PTPRD: variants seen among roughly 807,000 people sequenced by gnomAD.
PTPRD encodes the protein protein tyrosine phosphatase receptor type D.
In PTPRD, 34 loss-of-function variants were observed where a neutral mutation model predicts 214.5. The observed-to-expected ratio is 0.16, with a 90% CI of 0.12 to 0.21. PTPRD has a LOEUF of 0.21. Ranked by LOEUF, PTPRD falls within the 10% of genes least tolerant of loss-of-function variation. The pLI is 1.00. For synonymous variants in PTPRD, 1,128 were observed against 845.7 expected (o/e 1.33, Z -5.79); for missense variants, 2,545 against 2,398.7 (o/e 1.06, Z -1.27).
intron 12 of PTPRD, among the ~76,000 whole-genome samples, chr9:8,699,250 C>T (rs1419086394): frequency 6.6e-6 from 1 of 152,154 alleles, no homozygotes; most frequent in African/African-American, 2.4e-5. Context: ...TAAACAGTTG[C>T]TCTGGCAAGT....
rs2098292601 is a variant in PTPRD, at chr9:8,709,836, G to A, written c.64+23944C>T. On this transcript the variant is annotated intron_variant, in intron 12 of 45. Transcript: ENST00000381196. ...ATAAAATATGTTTGGTGTGCTAAGG[G>A]AAAGGTAAATAGGGCATCTTTAAGT... Among the ~76,000 whole-genome samples, 3 of 152,154 alleles carry A rather than the reference G, an allele frequency of 2.0e-5. No individual in the cohort carries two copies. The South Asian group carries it at 6.2e-4, about 32-fold the overall frequency.
chr9:8,871,312 C>T (rs895500411), intron 11 of PTPRD, among the ~76,000 whole-genome samples: 3 of 152,070 alleles, frequency 2.0e-5, no homozygotes, highest in Admixed American at 1.3e-4. Flanking sequence ...TGAAAGTTCA[C>T]GGAGCTGAAA....
At chr9:8,336,266 G>C (rs1846575966) in intron 43 of PTPRD, among the ~76,000 whole-genome samples, 1 of 148,728 alleles carries the variant, frequency 6.7e-6, no homozygotes. Flanking sequence ...TAGACCAATG[G>C]AACAGAACAG....
chr9:9,219,262 T>C (rs949515850), intron 9 of PTPRD, among the ~76,000 whole-genome samples: 7 of 152,138 alleles, frequency 4.6e-5, no homozygotes, highest in African/African-American at 1.2e-4. Context: ...ACAAGGTCTC[T>C]AGATGTACAG....
At chr9:8,908,075 C>G (rs1033969040) in intron 11 of PTPRD, among the ~76,000 whole-genome samples, 2 of 151,982 alleles carry the variant, frequency 1.3e-5, no homozygotes, top group African/African-American at 4.8e-5. Context: ...TCACCACATA[C>G]AAGGAAGCAG....
In PTPRD at chr9:9,440,792, C is replaced by T. The variant is rs140537922; in HGVS notation, c.-236-43310G>A. On this transcript the variant is annotated intron_variant, in intron 8 of 45. Coordinates refer to ENST00000381196, the MANE Select transcript of PTPRD (RefSeq NM_002839.4). The stretch of plus-strand genomic sequence containing the variant: ...ATGATGATCACAAAATTGTTTCAAT[C>T]GCAATAATATGGCATGGCAAGACCA... Among the ~76,000 whole-genome samples the T allele has an allele frequency of 8.4e-4, 128 of 152,236 alleles. No homozygotes were observed. The East Asian group carries it at 0.017, about 21-fold the overall frequency.
At chr9:8,734,876 C>T (rs1297573029) in intron 11 of PTPRD, among the ~76,000 whole-genome samples, 1 of 152,164 alleles carries the variant, frequency 6.6e-6, no homozygotes, top group East Asian at 1.9e-4. Context: ...GTGTCTCAAA[C>T]TAGGCCTTGA....
At chr9:8,834,052 C>G (rs924334563) in intron 11 of PTPRD, among the ~76,000 whole-genome samples, 22 of 152,012 alleles carry the variant, frequency 1.4e-4, no homozygotes, top group Non-Finnish European at 2.9e-4. Flanking sequence ...ACAATAATGC[C>G]TAGTCTTTTT....
At chr9:8,538,124 A>G (rs531985995) in intron 14 of PTPRD, among the ~76,000 whole-genome samples, 1 of 152,082 alleles carries the variant, frequency 6.6e-6, no homozygotes, top group East Asian at 1.9e-4. Flanking sequence ...TCCAATATCC[A>G]TCCACTTTCA....
intron 4 of PTPRD, among the ~76,000 whole-genome samples, chr9:9,941,171 G>A (rs1191516074): frequency 6.6e-6 from 1 of 152,184 alleles, no homozygotes; most frequent in East Asian, 1.9e-4. Context: ...CATGCTGCCT[G>A]TGGGCTACAG....
intron 13 of PTPRD, among the ~76,000 whole-genome samples, chr9:8,634,363 G>A (rs2096359603): frequency 6.6e-6 from 1 of 151,686 alleles, no homozygotes; most frequent in African/African-American, 2.4e-5. Context: ...TTTTTCTCTT[G>A]TATTTCACTG....
chr9:9,920,297 T>C (rs964847515), intron 5 of PTPRD, among the ~76,000 whole-genome samples: 1 of 152,114 alleles, frequency 6.6e-6, no homozygotes, highest in Admixed American at 6.6e-5. Context: ...TCTTCTTGTT[T>C]ACATAGGCTG....
chr9:9,614,574 T>C (rs1338092377), intron 7 of PTPRD, among the ~76,000 whole-genome samples: 2 of 152,162 alleles, frequency 1.3e-5, no homozygotes, highest in African/African-American at 4.8e-5. Context: ...GTAAATTATG[T>C]TTAGGCAGCT....
chr9:9,864,892 T>A (rs1053261252), intron 5 of PTPRD, among the ~76,000 whole-genome samples: 1 of 152,162 alleles, frequency 6.6e-6, no homozygotes, highest in African/African-American at 2.4e-5. Context: ...TCTAGAAGAT[T>A]TCATCTTTAA....
chr9:9,771,358 T>A (rs2098750356), intron 5 of PTPRD, among the ~76,000 whole-genome samples: 3 of 152,214 alleles, frequency 2.0e-5, no homozygotes, highest in South Asian at 4.1e-4. Flanking sequence ...CCAAACCTAA[T>A]TCATATTCTG....
intron 3 of PTPRD, among the ~76,000 whole-genome samples, chr9:10,210,996 T>G (rs1473656881): frequency 2.0e-5 from 3 of 151,348 alleles, no homozygotes; most frequent in Non-Finnish European, 2.9e-5. Flanking sequence ...CACATTTTTG[T>G]GTAAATAAAT....
intron 7 of PTPRD, among the ~76,000 whole-genome samples, chr9:9,626,181 T>C (rs907779008): frequency 1.3e-5 from 2 of 152,140 alleles, no homozygotes; most frequent in African/African-American, 4.8e-5. Flanking sequence ...CCAGCCCCAC[T>C]CTCCACTAGA....
In PTPRD at chr9:10,511,569, A is replaced by ATTTTTTTTTTTTT. The variant is rs66768632; in HGVS notation, c.-600+100816_-600+100828dup. On this transcript the variant is annotated intron_variant, in intron 2 of 45. Transcript: ENST00000381196. Reference sequence around the variant, plus strand: ...CAGGTGTGCGCCACCACACCCTGGTATTTTTTTTTTTTTTTTTTGTATTTT... The same window carrying ATTTTTTTTTTTTT: ...CAGGTGTGCGCCACCACACCCTGGTATTTTTTTTTTTTTTTTTTTTTTTTTTTTTTTGTATTTT... Among the ~76,000 whole-genome samples, 4 of 127,858 alleles carry ATTTTTTTTTTTTT rather than the reference A, an allele frequency of 3.1e-5. 1 individual carries two copies. The highest frequency in any genetic ancestry group is 1.6e-5 in the Non-Finnish European group (1 of 62,244). 83.9% of individuals were successfully genotyped at this position (127,858 alleles called of 152,430 possible).
Position 8,735,161 on chromosome 9 carries a change from TTTGA to T in PTPRD, c.-103-1219_-103-1216del, listed in dbSNP as rs1181338478. Reference sequence around the variant, plus strand: ...TTGTTTTTTTTTTTCTGTTTTTTTTTTTGAGACAGTCTCACTCTGTCACCCAGGC... The same window carrying T: ...TTGTTTTTTTTTTTCTGTTTTTTTTTGACAGTCTCACTCTGTCACCCAGGC... On this transcript the variant is annotated intron_variant, in intron 11 of 45. Coordinates refer to ENST00000381196, the MANE Select transcript of PTPRD (RefSeq NM_002839.4). Among the ~76,000 whole-genome samples, 6 of 148,158 alleles carry T rather than the reference TTTGA, an allele frequency of 4.0e-5. No homozygotes were observed. In the East Asian group the frequency reaches 1.2e-3, roughly 29 times the overall value.
Sources: allele counts gnomAD v4.1 joint callset (sites outside exome capture counted in the v4.1 genomes callset), GRCh38; gene constraint gnomAD v4.1.1; transcripts MANE v1.5; gene names NCBI Gene and HGNC (gene_info 2026-07-23, HGNC 2026-07-21).